Variants in SMURF1 observed in about 807,000 individuals in gnomAD.
The protein encoded by SMURF1 is SMAD specific E3 ubiquitin protein ligase 1.
Under a neutral mutation model 98.0 loss-of-function variants are expected in SMURF1, and 44 were observed. The observed-to-expected ratio is 0.45, with a 90% CI of 0.35 to 0.58. SMURF1 has a LOEUF of 0.58. Among genes scored for constraint, SMURF1 ranks in the 20% least tolerant of loss-of-function variants. The pLI, the probability that SMURF1 is intolerant of heterozygous loss-of-function variation, is 0.00. For synonymous variants in SMURF1, 396 were observed against 374.9 expected, an observed-to-expected ratio of 1.06 and a Z score of -0.65; for missense variants, 687 against 938.4, an observed-to-expected ratio of 0.73 and a Z score of 3.50.
chr7:99,072,883 CATT>C (rs1398584181), intron 1 of SMURF1, among the ~76,000 whole-genome samples: 4 of 152,142 alleles, frequency 2.6e-5, no homozygotes, highest in Admixed American at 2.0e-4. Context: ...TTTGGCTAAT[CATT>C]ATTCACATCA....
intron 1 of SMURF1, among the ~76,000 whole-genome samples, chr7:99,138,605 T>G (rs1160469691): frequency 6.6e-6 from 1 of 152,144 alleles, no homozygotes; most frequent in Admixed American, 6.5e-5. Context: ...CTCTGACAGA[T>G]GGACTTGAAG....
intron 10 of SMURF1, among the ~76,000 whole-genome samples, chr7:99,047,057 C>T (rs746788760): frequency 3.3e-5 from 5 of 152,212 alleles, no homozygotes; most frequent in African/African-American, 1.2e-4. Flanking sequence ...GCCCAAATGC[C>T]ATGGAGATTT....
In SMURF1 at chr7:99,143,828, A is replaced by C; in HGVS notation, c.-48T>G. 2 of 1,442,456 alleles carry C rather than the reference A, an allele frequency of 1.4e-6. No individual in the cohort carries two copies. The highest frequency in any genetic ancestry group is 1.8e-6 in the Non-Finnish European group (2 of 1,088,606). The allele number at this position is 1,442,456 out of a possible 1,614,324, so 89.4% of individuals were successfully genotyped here. ...CGCGGATCCAGCGCCACCGCCCCCC[A>C]GCCCGGCCCGGCCCGGCCCCGCCGC... On this transcript the variant is annotated 5_prime_UTR_variant, in exon 1 of 18. Transcript: ENST00000361368.
intron 3 of SMURF1, among the ~76,000 whole-genome samples, chr7:99,060,378 CAAAA>C (rs11340949): frequency 1.1e-5 from 1 of 92,494 alleles, no homozygotes. Context: ...GACTCCGTCT[CAAAA>C]AAAAAAAAAA....
rs552593087 is a variant in SMURF1 at position 99,098,827 on chromosome 7, T to C, written c.56-36990A>G. Among the ~76,000 whole-genome samples, 85 of 152,246 alleles carry C rather than the reference T, an allele frequency of 5.6e-4. No homozygotes were observed. In the South Asian group the frequency reaches 0.017, roughly 30 times the overall value. On this transcript the variant is annotated intron_variant, in intron 1 of 17. Transcript: ENST00000361368. ...CTTCCCTCCTCATTAAATTATAAGA[T>C]CCTTTAAGGAGGTTACTCTGCATCA...
chr7:99,067,415 A>C (rs889771551), intron 1 of SMURF1, among the ~76,000 whole-genome samples: 1 of 152,082 alleles, frequency 6.6e-6, no homozygotes, highest in Non-Finnish European at 1.5e-5. Flanking sequence ...GTGTGGACCA[A>C]TGCATGTTTT....
intron 13 of SMURF1, among the ~76,000 whole-genome samples, chr7:99,039,714 G>A (rs1174689110): frequency 1.3e-5 from 2 of 152,120 alleles, no homozygotes; most frequent in Non-Finnish European, 2.9e-5. Context: ...TGTTCAAGTT[G>A]GAACATGTGA....
chr7:99,105,475 G>A (rs1230087955), intron 1 of SMURF1, among the ~76,000 whole-genome samples: 1 of 152,146 alleles, frequency 6.6e-6, no homozygotes, highest in African/African-American at 2.4e-5. Flanking sequence ...CTATATGCCA[G>A]GTACTGTTGT....
chr7:99,042,992 G>A (rs1473631165), intron 11 of SMURF1, among the ~76,000 whole-genome samples: 1 of 152,204 alleles, frequency 6.6e-6, no homozygotes, highest in Non-Finnish European at 1.5e-5. Context: ...CAGAAGAGAT[G>A]AGACTCCGAA....
chr7:99,053,308 CCT>C (rs1028579665), intron 6 of SMURF1, among the ~76,000 whole-genome samples: 102 of 152,196 alleles, frequency 6.7e-4, no homozygotes, highest in African/African-American at 1.8e-3. Flanking sequence ...CAATGAACCC[CCT>C]GTGTCCACCC....
intron 1 of SMURF1, among the ~76,000 whole-genome samples, chr7:99,094,314 T>C (rs1440210511): frequency 6.6e-6 from 1 of 152,166 alleles, no homozygotes; most frequent in African/African-American, 2.4e-5. Flanking sequence ...TTTGAACAAG[T>C]TTAGGGCAAT....
chr7:99,126,796 G>A (rs535079130), intron 1 of SMURF1, among the ~76,000 whole-genome samples: 2 of 152,186 alleles, frequency 1.3e-5, no homozygotes, highest in African/African-American at 4.8e-5. Context: ...ATGCTTTTTT[G>A]TTCTTAAGCA....
chr7:99,058,061 G>A (rs987926911), intron 3 of SMURF1, among the ~76,000 whole-genome samples: 5 of 152,074 alleles, frequency 3.3e-5, no homozygotes, highest in African/African-American at 1.2e-4. Context: ...CTTATGGAAG[G>A]GGCAAATGTA....
At chr7:99,127,730 T>C (rs1320196092) in intron 1 of SMURF1, among the ~76,000 whole-genome samples, 2 of 152,176 alleles carry the variant, frequency 1.3e-5, no homozygotes, top group Non-Finnish European at 2.9e-5. Flanking sequence ...TTGGGTTTTT[T>C]TCCTGAATAA....
At chr7:99,058,535 A>T (rs898959712) in intron 3 of SMURF1, among the ~76,000 whole-genome samples, 10 of 152,210 alleles carry the variant, frequency 6.6e-5, no homozygotes, top group African/African-American at 2.2e-4. Flanking sequence ...ACTACTTACA[A>T]ACCTACGGAT....
chr7:99,080,291 T>TTTTTGTTTTG (rs200512004), intron 1 of SMURF1, among the ~76,000 whole-genome samples: 1 of 151,848 alleles, frequency 6.6e-6, no homozygotes, highest in African/African-American at 2.4e-5. Flanking sequence ...CTAGATAAGT[T>TTTTTGTTTTG]TTTTGTTTTG....
intron 1 of SMURF1, among the ~76,000 whole-genome samples, chr7:99,121,937 G>A (rs969148733): frequency 2.6e-5 from 4 of 152,172 alleles, no homozygotes; most frequent in Non-Finnish European, 5.9e-5. Flanking sequence ...TCTCCACTGC[G>A]CATCACCTTC....
intron 3 of SMURF1, 49 bp from the exon 4 acceptor site, chr7:99,057,600 G>GTT: frequency 2.1e-6 from 3 of 1,423,746 alleles, no homozygotes; most frequent in Non-Finnish European, 1.8e-6. Context: ...GGTTTTTTTT[G>GTT]TTTTGTTTTT....
At chr7:99,038,677 A>G in intron 13 of SMURF1, 152 bp from the exon 14 acceptor site, 6 of 804,124 alleles carry the variant, frequency 7.5e-6, no homozygotes, top group Non-Finnish European at 1.2e-5. Flanking sequence ...TGGCACAGCA[A>G]CAGGTGCTGG....
Sources: allele counts gnomAD v4.1 joint callset (sites outside exome capture counted in the v4.1 genomes callset), GRCh38; gene constraint gnomAD v4.1.1; transcripts MANE v1.5; gene names NCBI Gene and HGNC (gene_info 2026-07-23, HGNC 2026-07-21).